CACNA2D3: variants seen among roughly 807,000 people sequenced by gnomAD.
CACNA2D3 encodes calcium voltage-gated channel auxiliary subunit alpha2delta 3, also known as voltage-dependent calcium channel subunit alpha-2/delta-3.
A neutral mutation model predicts 160.6 loss-of-function variants in CACNA2D3; 60 were observed. The ratio of observed to expected loss-of-function variants is 0.37; its 90% CI spans 0.30 to 0.46. The LOEUF is 0.46. Among genes scored for constraint, CACNA2D3 ranks in the 20% least tolerant of loss-of-function variants. The probability of loss-of-function intolerance (pLI) is 1.00; values close to 1 mark genes in which losing one functional copy is unlikely to be tolerated. For missense variants in CACNA2D3, 1,205 were observed against 1,365.0 expected (o/e 0.88, Z 1.85); for synonymous variants, 558 against 492.9 (o/e 1.13, Z -1.75).
chr3:55,068,744 A>G (rs955058976), intron 35 of CACNA2D3, among the ~76,000 whole-genome samples: 1 of 152,052 alleles, frequency 6.6e-6, no homozygotes, highest in Non-Finnish European at 1.5e-5. Flanking sequence ...TGCTTATTCA[A>G]TCATTGCCCC....
chr3:54,289,589 C>T (rs566877316), intron 2 of CACNA2D3, among the ~76,000 whole-genome samples: 118 of 152,202 alleles, frequency 7.8e-4, no homozygotes, highest in African/African-American at 2.6e-3. Context: ...AAAAAGAGCC[C>T]GCATCACCAA....
chr3:54,885,309 G>A lies in CACNA2D3; in HGVS notation c.1941G>A (p.Val647=), dbSNP rs1278897829. 1 of 1,613,780 alleles carries A rather than the reference G, an allele frequency of 6.2e-7. No homozygotes were observed. The highest frequency in any genetic ancestry group is 1.7e-5 in the Admixed American group (1 of 59,996). ...EGLHDLEHPD[V]SLADEWSYCN... ...TGCATGACTTAGAACATCCCGATGT[G>A]TCCTTGGCAGATGAATGGTAAGAAT... Residue 647 remains valine (V), a synonymous_variant, in exon 22 of 38, where the codon GTG becomes GTA. Transcript: ENST00000474759.
At chr3:54,555,136 A>C (rs530207249) in intron 5 of CACNA2D3, among the ~76,000 whole-genome samples, 9 of 152,098 alleles carry the variant, frequency 5.9e-5, no homozygotes, top group Admixed American at 2.0e-4. Flanking sequence ...TTGACCTCCC[A>C]AAGTGTTGAG....
At chr3:54,937,845 G>A (rs1293898604) in intron 27 of CACNA2D3, among the ~76,000 whole-genome samples, 1 of 152,144 alleles carries the variant, frequency 6.6e-6, no homozygotes, top group African/African-American at 2.4e-5. Flanking sequence ...CAGAGGGTGA[G>A]GAAGGAGCTT....
chr3:54,238,779 C>T (rs1701927900), intron 2 of CACNA2D3, among the ~76,000 whole-genome samples: 1 of 152,180 alleles, frequency 6.6e-6, no homozygotes. Flanking sequence ...GTTTAATCTG[C>T]CCATGATGGG....
intron 3 of CACNA2D3, among the ~76,000 whole-genome samples, chr3:54,378,592 C>G (rs1284432379): frequency 2.0e-5 from 3 of 152,194 alleles, no homozygotes; most frequent in African/African-American, 7.2e-5. Flanking sequence ...GCAGTTACCT[C>G]AGAACTGAAG....
chr3:54,716,542 A>G (rs1194376401), intron 11 of CACNA2D3, among the ~76,000 whole-genome samples: 1 of 152,164 alleles, frequency 6.6e-6, no homozygotes, highest in African/African-American at 2.4e-5. Context: ...GAAAATAAAC[A>G]GAGTACAGGA....
chr3:54,389,225 G>A (rs1275895713), intron 4 of CACNA2D3, among the ~76,000 whole-genome samples: 1 of 152,036 alleles, frequency 6.6e-6, no homozygotes, highest in African/African-American at 2.4e-5. Flanking sequence ...AAGCTGGGAG[G>A]TGGATGTTGG....
rs190077898 is a variant in CACNA2D3, at chr3:54,279,182, T to G, written c.205-41260T>G. On this transcript the variant is annotated intron_variant, in intron 2 of 37. Transcript: ENST00000474759. ...GGCTGTGTCTCTTTGATGACTCATT[T>G]AATTCCCAGTTTCATGAGTGGAATG... Among the ~76,000 whole-genome samples, 476 of 152,364 alleles carry G rather than the reference T, an allele frequency of 3.1e-3. 2 individuals carry two copies. The highest frequency in any genetic ancestry group is 4.7e-3 in the Non-Finnish European group (317 of 68,042).
intron 4 of CACNA2D3, among the ~76,000 whole-genome samples, chr3:54,494,399 T>C (rs1237223307): frequency 6.6e-6 from 1 of 152,116 alleles, no homozygotes; most frequent in African/African-American, 2.4e-5. Flanking sequence ...TTGAGCAAAA[T>C]CATGCTTAGG....
At chr3:54,407,339 C>G (rs1699595083) in intron 4 of CACNA2D3, among the ~76,000 whole-genome samples, 1 of 152,154 alleles carries the variant, frequency 6.6e-6, no homozygotes, top group Non-Finnish European at 1.5e-5. Flanking sequence ...GGAACTTTCA[C>G]ATTTTTATGT....
chr3:55,060,611 A>G (rs901884974), intron 35 of CACNA2D3, among the ~76,000 whole-genome samples: 4 of 152,196 alleles, frequency 2.6e-5, no homozygotes, highest in Non-Finnish European at 5.9e-5. Flanking sequence ...GCATTAAGTA[A>G]ACACTCCGTA....
intron 35 of CACNA2D3, among the ~76,000 whole-genome samples, chr3:55,051,408 A>T (rs542065717): frequency 6.6e-6 from 1 of 152,052 alleles, no homozygotes; most frequent in African/African-American, 2.4e-5. Flanking sequence ...CCTCCCAGTT[A>T]GGCTGCCCGG....
chr3:54,400,923 A>G (rs999179718), intron 4 of CACNA2D3, among the ~76,000 whole-genome samples: 2 of 152,180 alleles, frequency 1.3e-5, no homozygotes, highest in South Asian at 2.1e-4. Flanking sequence ...TGAATTTTCT[A>G]AAAAGGAATT....
At chr3:54,837,466 G>A (rs1559600246) in intron 15 of CACNA2D3, among the ~76,000 whole-genome samples, 2 of 152,104 alleles carry the variant, frequency 1.3e-5, no homozygotes, top group Non-Finnish European at 1.5e-5. Context: ...AGGACCAGAG[G>A]AGGAAAAGCC....
intron 34 of CACNA2D3, among the ~76,000 whole-genome samples, chr3:55,011,946 TAAAATC>T (rs1228234505): frequency 6.6e-6 from 1 of 152,100 alleles, no homozygotes; most frequent in Admixed American, 6.5e-5. Flanking sequence ...TTAAAAAAAA[TAAAATC>T]AATAGAGCCC....
chr3:54,717,787 GTGTGTGGTGTGC>G (rs1701087745), intron 11 of CACNA2D3, among the ~76,000 whole-genome samples: 1 of 79,454 alleles, frequency 1.3e-5, no homozygotes, highest in Non-Finnish European at 2.7e-5. Context: ...GTGCATGTGC[GTGTGTGGTGTGC>G]GTGTGTGCGC....
chr3:55,037,448 A>C (rs796488952), intron 35 of CACNA2D3, among the ~76,000 whole-genome samples: 11 of 152,324 alleles, frequency 7.2e-5, no homozygotes, highest in African/African-American at 2.6e-4. Context: ...CTCAGACATC[A>C]GTGGCACTTT....
intron 25 of CACNA2D3, among the ~76,000 whole-genome samples, chr3:54,892,461 C>G (rs1334157832): frequency 6.6e-6 from 1 of 152,136 alleles, no homozygotes; most frequent in Non-Finnish European, 1.5e-5. Flanking sequence ...AAAACCAAGT[C>G]TGGTAAATGA....
Sources: allele counts gnomAD v4.1 joint callset (sites outside exome capture counted in the v4.1 genomes callset), GRCh38; gene constraint gnomAD v4.1.1; transcripts MANE v1.5; gene names NCBI Gene and HGNC (gene_info 2026-07-23, HGNC 2026-07-21).